The following FOXO1 variants were observed in gnomAD, a reference collection of about 807,000 sequenced individuals.
FOXO1 encodes the protein forkhead box protein O1.
Under a neutral mutation model 44.1 loss-of-function variants are expected in FOXO1, and 6 were observed. The ratio of observed to expected loss-of-function variants is 0.14; its 90% CI spans 0.07 to 0.27. FOXO1 has a LOEUF of 0.27. FOXO1 is among the 10% of genes least tolerant of loss of function. FOXO1 has a pLI of 1.00. For synonymous variants in FOXO1, 380 were observed against 362.7 expected (o/e 1.05, Z -0.54); for missense variants, 737 against 888.8 (o/e 0.83, Z 2.17).
rs116346297 is a variant in FOXO1 at position 40,621,873 on chromosome 13, A to G, written c.630+43710T>C. Among the ~76,000 whole-genome samples the G allele has an allele frequency of 7.4e-3, 1,128 of 152,354 alleles. 16 individuals are homozygous for G. Among genetic ancestry groups the G allele is most frequent in the African/African-American group, 0.026 (1,085 of 41,584 alleles). ...CAGCATATCATATATGTATAGTTAT[A>G]TAATTCTAAGGTTAAAATATTCAGT... On this transcript the variant is annotated intron_variant, in intron 1 of 2. Coordinates refer to ENST00000379561, the MANE Select transcript of FOXO1 (RefSeq NM_002015.4).
At chr13:40,568,588 G>A (rs1461608974) in intron 1 of FOXO1, among the ~76,000 whole-genome samples, 2 of 152,170 alleles carry the variant, frequency 1.3e-5, no homozygotes. Flanking sequence ...ACACACGTTA[G>A]CAATAGACAG....
intron 1 of FOXO1, among the ~76,000 whole-genome samples, chr13:40,583,460 T>C (rs962750156): frequency 1.8e-4 from 28 of 152,238 alleles, no homozygotes; most frequent in Admixed American, 7.2e-4. Context: ...TCCAATAGAA[T>C]GCCACTTCAT....
At chr13:40,594,219 A>G (rs898045902) in intron 1 of FOXO1, among the ~76,000 whole-genome samples, 1 of 152,190 alleles carries the variant, frequency 6.6e-6, no homozygotes, top group Admixed American at 6.5e-5. Context: ...ATAGTGAACA[A>G]AAAGACCCAC....
chr13:40,580,824 G>C (rs922999889), intron 1 of FOXO1, among the ~76,000 whole-genome samples: 1 of 152,164 alleles, frequency 6.6e-6, no homozygotes, highest in African/African-American at 2.4e-5. Flanking sequence ...AAGTCATCCA[G>C]GACACAATCA....
chr13:40,600,481 C>T (rs992146883), intron 1 of FOXO1, among the ~76,000 whole-genome samples: 1 of 152,038 alleles, frequency 6.6e-6, no homozygotes, highest in Admixed American at 6.5e-5. Context: ...GTAGCATTAG[C>T]AACAATTCCT....
In FOXO1 at chr13:40,560,906, G is replaced by A. The variant is rs1451078162; in HGVS notation, c.631-46C>T. On this transcript the variant is annotated intron_variant, in intron 1 of 2. Transcript: ENST00000379561. This position sits in a 1 kb window ranked among gnomAD's most constrained non-coding sequence, Gnocchi z 5.1. ...TTAGAAGTACAATACTTCTCTGCTT[G>A]CAAAACTTCCTATTCTACATGTATT... 12 of 1,527,232 alleles carry A rather than the reference G, an allele frequency of 7.9e-6. No homozygotes were observed. The Admixed American group carries it at 2.3e-4, about 29-fold the overall frequency. The allele number at this position is 1,527,232 out of a possible 1,614,324, so 94.6% of individuals were successfully genotyped here. A position where few individuals can be genotyped will look rare whatever the true frequency, so the allele number is the denominator to read the frequency against.
intron 1 of FOXO1, among the ~76,000 whole-genome samples, chr13:40,584,818 C>G (rs975203806): frequency 3.9e-5 from 6 of 152,212 alleles, no homozygotes; most frequent in Non-Finnish European, 5.9e-5. Context: ...TCCGACTCTT[C>G]TAGGAAGCTT....
chr13:40,561,885 G>A lies in FOXO1; in HGVS notation c.631-1025C>T, dbSNP rs1451312425. On this transcript the variant is annotated intron_variant, in intron 1 of 2. Coordinates refer to ENST00000379561, the MANE Select transcript of FOXO1 (RefSeq NM_002015.4). ...TTGGCAGGCTGAGGCAGGAGAAGGA[G>A]ACTGCGGTGAGCTGAGATCACTCCA... Among the ~76,000 whole-genome samples the A allele has an allele frequency of 2.1e-5, 3 of 145,280 alleles. No homozygotes were observed. In the Admixed American group the frequency reaches 2.1e-4, roughly 10 times the overall value.
intron 1 of FOXO1, chr13:40,621,256 A>G (rs963948748): frequency 1.2e-6 from 1 of 804,236 alleles, no homozygotes; most frequent in Non-Finnish European, 2.0e-6. Context: ...CATGAATTTC[A>G]TATTCATTGT....
intron 1 of FOXO1, among the ~76,000 whole-genome samples, chr13:40,624,266 A>G (rs1876711538): frequency 6.6e-6 from 1 of 151,318 alleles, no homozygotes; most frequent in African/African-American, 2.4e-5. Flanking sequence ...AGTACCACCA[A>G]CAGAAAACAG....
intron 1 of FOXO1, among the ~76,000 whole-genome samples, chr13:40,639,804 T>C (rs1877289461): frequency 6.6e-6 from 1 of 152,214 alleles, no homozygotes; most frequent in African/African-American, 2.4e-5. Flanking sequence ...AGAGGAAGAA[T>C]TTAGACCTAA....
chr13:40,616,749 G>A (rs961946715), intron 1 of FOXO1, among the ~76,000 whole-genome samples: 2 of 152,152 alleles, frequency 1.3e-5, no homozygotes, highest in African/African-American at 4.8e-5. Flanking sequence ...CAAGGGGTGT[G>A]GAGGGAAGAA....
chr13:40,568,233 T>C (rs1874347380), intron 1 of FOXO1, among the ~76,000 whole-genome samples: 4 of 152,232 alleles, frequency 2.6e-5, no homozygotes, highest in Admixed American at 2.6e-4. Flanking sequence ...TATGATTAAA[T>C]GAACTCATTG....
chr13:40,639,109 G>A (rs1215631091), intron 1 of FOXO1, among the ~76,000 whole-genome samples: 3 of 152,074 alleles, frequency 2.0e-5, no homozygotes, highest in East Asian at 1.9e-4. Context: ...CAGGAGAATC[G>A]CTTGAACCCG....
intron 1 of FOXO1, among the ~76,000 whole-genome samples, chr13:40,608,232 G>A (rs1024565648): frequency 1.3e-5 from 2 of 152,118 alleles, no homozygotes; most frequent in Non-Finnish European, 1.5e-5. Flanking sequence ...GCCTCTTGTC[G>A]GTAAAGTACA....
intron 1 of FOXO1, among the ~76,000 whole-genome samples, chr13:40,630,572 T>C (rs1193546060): frequency 3.3e-5 from 5 of 151,868 alleles, no homozygotes; most frequent in Non-Finnish European, 4.4e-5. Context: ...GGATAATTGC[T>C]TGAACCCAAG....
chr13:40,592,344 C>A (rs1875407608), intron 1 of FOXO1, among the ~76,000 whole-genome samples: 1 of 152,212 alleles, frequency 6.6e-6, no homozygotes, highest in South Asian at 2.1e-4. Flanking sequence ...TTGCTCTCAG[C>A]TCACTGTACA....
chr13:40,618,292 T>C (rs1381090911), intron 1 of FOXO1, among the ~76,000 whole-genome samples: 1 of 152,052 alleles, frequency 6.6e-6, no homozygotes, highest in East Asian at 1.9e-4. Context: ...GGTTTCAAAC[T>C]CCTGGACTCA....
chr13:40,590,169 A>G (rs1381819701), intron 1 of FOXO1, among the ~76,000 whole-genome samples: 1 of 152,196 alleles, frequency 6.6e-6, no homozygotes, highest in Non-Finnish European at 1.5e-5. Flanking sequence ...CTGTCCAAGA[A>G]TGACTATTCT....
Sources: gnomAD v4.1 joint callset for allele counts (sites outside exome capture counted in the v4.1 genomes callset) on GRCh38, gnomAD v4.1.1 for gene constraint, Gnocchi (gnomAD v3.1) non-coding constraint, MANE v1.5 for transcripts, NCBI Gene and HGNC (gene_info 2026-07-23, HGNC 2026-07-21) for gene names.